HDAC8: variants seen among roughly 807,000 people sequenced by gnomAD.
HDAC8 encodes histone deacetylase-like 1.
HDAC8 carries 1 observed loss-of-function variant against 32.2 expected under a neutral mutation model. That is an observed-to-expected ratio of 0.03 (90% CI 0.01 to 0.15). HDAC8 has a LOEUF of 0.15. Among genes scored for constraint, HDAC8 ranks in the 10% least tolerant of loss-of-function variants. HDAC8 has a pLI of 1.00. For synonymous variants in HDAC8, 108 were observed against 113.9 expected (o/e 0.95, Z 0.33); for missense variants, 117 against 300.0 (o/e 0.39, Z 4.51).
intron 10 of HDAC8, among the ~76,000 whole-genome samples, chrX:72,340,826 G>A (rs1475059725): frequency 1.8e-5 from 2 of 111,832 alleles, no homozygotes; most frequent in African/African-American, 3.3e-5. Flanking sequence ...ACCTTTACTG[G>A]AGCCAAAGAA....
intron 7 of HDAC8, chrX:72,474,214 A>G: frequency 1.3e-6 from 1 of 748,225 alleles, no homozygotes; most frequent in African/African-American, 2.3e-5. Flanking sequence ...TTGAATACCC[A>G]CAGCATTCTA....
At chrX:72,539,984 C>T (rs1288493314) in intron 4 of HDAC8, among the ~76,000 whole-genome samples, 1 of 112,164 alleles carries the variant, frequency 8.9e-6, no homozygotes, top group African/African-American at 3.2e-5. Context: ...GGAACCGCAT[C>T]CTTCAGCAGC....
intron 4 of HDAC8, among the ~76,000 whole-genome samples, chrX:72,495,848 A>G (rs2049005245): frequency 8.9e-6 from 1 of 112,284 alleles, no homozygotes; most frequent in African/African-American, 3.2e-5. Flanking sequence ...CTGTCTGTAA[A>G]TGCAATTATT....
intron 4 of HDAC8, among the ~76,000 whole-genome samples, chrX:72,513,977 A>G (rs2049690591): frequency 8.9e-6 from 1 of 112,264 alleles, no homozygotes; most frequent in South Asian, 3.7e-4. Context: ...CTTTTCATTA[A>G]ATAGGTCCAA....
chrX:72,477,800 A>G (rs2048379768), intron 7 of HDAC8, among the ~76,000 whole-genome samples: 1 of 112,821 alleles, frequency 8.9e-6, no homozygotes, highest in South Asian at 3.7e-4. Context: ...TATGTTAAAC[A>G]TGCCTATGTT....
intron 8 of HDAC8, among the ~76,000 whole-genome samples, chrX:72,463,269 T>C (rs1351107147): frequency 8.9e-6 from 1 of 112,384 alleles, no homozygotes; most frequent in African/African-American, 3.2e-5. Flanking sequence ...GCTTAGGTAG[T>C]AAACTATCTC....
intron 9 of HDAC8, among the ~76,000 whole-genome samples, chrX:72,381,564 G>A (rs1402542025): frequency 1.8e-5 from 2 of 112,195 alleles, no homozygotes; most frequent in Non-Finnish European, 3.8e-5. Context: ...AACTCAAGAG[G>A]TTCATGGGAC....
intron 9 of HDAC8, among the ~76,000 whole-genome samples, chrX:72,367,187 C>T (rs2044726217): frequency 8.9e-6 from 1 of 111,999 alleles, no homozygotes; most frequent in Non-Finnish European, 1.9e-5. Context: ...GGCAAGGGTA[C>T]TGTGAACATA....
intron 4 of HDAC8, among the ~76,000 whole-genome samples, chrX:72,521,582 A>C (rs1427495647): frequency 1.8e-5 from 2 of 111,255 alleles, no homozygotes; most frequent in African/African-American, 6.5e-5. Context: ...AAGGTGCTGA[A>C]AAACTGATGG....
chrX:72,353,011 C>G, intron 9 of HDAC8, among the ~76,000 whole-genome samples: 1 of 112,140 alleles, frequency 8.9e-6, no homozygotes, highest in Non-Finnish European at 1.9e-5. Flanking sequence ...GGTAAGTAAA[C>G]CAGGGAAATT....
chrX:72,560,120 A>G (rs60489075), intron 4 of HDAC8, among the ~76,000 whole-genome samples: 1 of 112,471 alleles, frequency 8.9e-6, no homozygotes, highest in Admixed American at 9.4e-5. Flanking sequence ...GTCGACTAGA[A>G]AAGGGGGAAA....
intron 4 of HDAC8, among the ~76,000 whole-genome samples, chrX:72,530,444 GTT>G (rs1232261962): frequency 1.5e-4 from 12 of 80,151 alleles, no homozygotes; most frequent in Admixed American, 1.4e-4. Context: ...TATTTTATGC[GTT>G]TTTTTTTTTT....
intron 9 of HDAC8, among the ~76,000 whole-genome samples, chrX:72,408,927 A>G (rs1251179642): frequency 9.0e-6 from 1 of 111,650 alleles, no homozygotes; most frequent in Non-Finnish European, 1.9e-5. Context: ...TTTAGGGCAG[A>G]CAAGAGTACA....
At chrX:72,571,586 G>A (rs1347332538) in intron 2 of HDAC8, among the ~76,000 whole-genome samples, 1 of 38,476 alleles carries the variant, frequency 2.6e-5, no homozygotes, top group Non-Finnish European at 4.9e-5. Context: ...TTTTTTTTGA[G>A]ACGGAGTTTC....
intron 4 of HDAC8, among the ~76,000 whole-genome samples, chrX:72,556,531 A>G (rs782474649): frequency 6.3e-5 from 7 of 111,620 alleles, no homozygotes; most frequent in Non-Finnish European, 1.1e-4. Flanking sequence ...AAGGACTTAC[A>G]TAAACTGAAG....
chrX:72,456,437 T>C (rs2047718960), intron 9 of HDAC8, among the ~76,000 whole-genome samples: 1 of 111,796 alleles, frequency 8.9e-6, no homozygotes, highest in Non-Finnish European at 1.9e-5. Context: ...AGAACGCTGC[T>C]GTAAAGGTAC....
At chrX:72,435,647 T>C (rs1763109892) in intron 9 of HDAC8, among the ~76,000 whole-genome samples, 1 of 111,526 alleles carries the variant, frequency 9.0e-6, no homozygotes, top group Non-Finnish European at 1.9e-5. Flanking sequence ...ATGGGCTAAA[T>C]AGAAGAATGG....
At chrX:72,496,514 A>G (rs1556013226) in intron 4 of HDAC8, among the ~76,000 whole-genome samples, 1 of 111,582 alleles carries the variant, frequency 9.0e-6, no homozygotes, top group South Asian at 3.7e-4. Context: ...TAAGAATTAA[A>G]TGTGTGATTT....
chrX:72,385,755 A>G (rs976874055), intron 9 of HDAC8, among the ~76,000 whole-genome samples: 2 of 111,822 alleles, frequency 1.8e-5, no homozygotes, highest in Non-Finnish European at 3.8e-5. Context: ...TGAAATATAT[A>G]CTGTTCTCCT....
Sources: gnomAD v4.1 joint callset for allele counts (sites outside exome capture counted in the v4.1 genomes callset) on GRCh38, gnomAD v4.1.1 for gene constraint, MANE v1.5 for transcripts, NCBI Gene and HGNC (gene_info 2026-07-23, HGNC 2026-07-21) for gene names.